MRPL35: variants seen among roughly 807,000 people sequenced by gnomAD.
MRPL35 encodes the protein large ribosomal subunit protein bL35m.
In MRPL35, 18 loss-of-function variants were observed where a neutral mutation model predicts 21.6. The observed-to-expected ratio is 0.83, with a 90% confidence interval of 0.58 to 1.24. MRPL35 has a LOEUF of 1.24. Among genes scored for constraint, MRPL35 ranks in the 50% most tolerant of loss-of-function variants. The pLI is 0.00. For missense variants in MRPL35, 223 were observed against 223.2 expected (o/e 1.00, Z 0.01); for synonymous variants, 87 against 86.9 (o/e 1.00, Z -0.01).
In MRPL35 at chr2:86,211,212, A is replaced by G; in HGVS notation, c.*544A>G. The G allele has an allele frequency of 6.2e-6, 6 of 967,100 alleles. No homozygotes were observed. The highest frequency in any genetic ancestry group is 7.4e-6 in the Non-Finnish European group (6 of 813,324). 59.9% of individuals were successfully genotyped at this position (967,100 alleles called of 1,614,324 possible). A position where few individuals can be genotyped will look rare whatever the true frequency, so the allele number is the denominator to read the frequency against. ...ATTCTCTCTATTCACCAACTTCTCTACACAGCTTTTGCATACTTACAGTTT... is the reference window on the plus strand; with the variant it reads ...ATTCTCTCTATTCACCAACTTCTCTGCACAGCTTTTGCATACTTACAGTTT... On this transcript the variant is annotated 3_prime_UTR_variant, in exon 4 of 4. Coordinates refer to ENST00000337109, the MANE Select transcript of MRPL35 (RefSeq NM_016622.4).
chr2:86,203,681 A>C (rs1370973406), intron 1 of MRPL35, among the ~76,000 whole-genome samples: 1 of 152,150 alleles, frequency 6.6e-6, no homozygotes, highest in African/African-American at 2.4e-5. Flanking sequence ...AGCATTCATT[A>C]AATGTTTTCT....
rs1673900777 is a variant in MRPL35 at position 86,211,453 on chromosome 2, AAC to A, written c.*787_*788del. 2.2e-5 allele frequency: 22 copies of A among 985,476 alleles called. No homozygotes were observed. The highest frequency in any genetic ancestry group is 4.7e-5 in the South Asian group (1 of 21,280). 61.0% of individuals were successfully genotyped at this position (985,476 alleles called of 1,614,324 possible). A position where few individuals can be genotyped will look rare whatever the true frequency, so the allele number is the denominator to read the frequency against. ...TTAGCAGGTTTGCATGCAGCAAAAA[AAC>A]AGTTATGTGAGCAGTTTCACTTGGA... On this transcript the variant is annotated 3_prime_UTR_variant, in exon 4 of 4. Coordinates refer to ENST00000337109, the MANE Select transcript of MRPL35 (RefSeq NM_016622.4).
rs563658035 is a variant in MRPL35 at position 86,213,684 on chromosome 2, C to G, written c.*3016C>G. On this transcript the variant is annotated 3_prime_UTR_variant, in exon 4 of 4. Coordinates refer to ENST00000337109, the MANE Select transcript of MRPL35 (RefSeq NM_016622.4). ...CAGAGAAGAAAAATGATGGACCAAA[C>G]GTCTGTTTGCACAATTGAAACTCTA... 1.9e-6 allele frequency: 3 copies of G among 1,549,234 alleles called. No homozygotes were observed. The highest frequency in any genetic ancestry group is 2.6e-6 in the Non-Finnish European group (3 of 1,145,822).
At chr2:86,206,935 A>G (rs996332581) in intron 2 of MRPL35, among the ~76,000 whole-genome samples, 2 of 152,232 alleles carry the variant, frequency 1.3e-5, no homozygotes, top group African/African-American at 4.8e-5. Flanking sequence ...TGGATAAGAA[A>G]TAAAGCGATG....
chr2:86,208,119 G>T (rs1673837938), intron 3 of MRPL35, among the ~76,000 whole-genome samples: 1 of 152,160 alleles, frequency 6.6e-6, no homozygotes, highest in Non-Finnish European at 1.5e-5. Context: ...TACTAAATTA[G>T]TAGATAAATG....
At chr2:86,203,153 C>A (rs1429454135) in intron 1 of MRPL35, among the ~76,000 whole-genome samples, 1 of 150,176 alleles carries the variant, frequency 6.7e-6, no homozygotes, top group African/African-American at 2.4e-5. Context: ...AATCTCAGCT[C>A]ACTGCAAGCT....
intron 3 of MRPL35, among the ~76,000 whole-genome samples, chr2:86,208,330 A>C (rs1244459757): frequency 6.6e-6 from 1 of 151,102 alleles, no homozygotes; most frequent in Non-Finnish European, 1.5e-5. Context: ...TTTTTGAGAC[A>C]AAGTGTCACT....
chr2:86,207,527 C>T (rs939461040), intron 3 of MRPL35, among the ~76,000 whole-genome samples, 200 bp downstream of exon 3: 6 of 152,086 alleles, frequency 3.9e-5, no homozygotes, highest in African/African-American at 7.2e-5. Context: ...TCCAGCTACT[C>T]GGGAGGCTGA....
At chr2:86,210,408 C>A in intron 3 of MRPL35, 72 bp from the exon 4 acceptor site, 11 of 1,188,448 alleles carry the variant, frequency 9.3e-6, no homozygotes, top group East Asian at 3.7e-5. Flanking sequence ...GGTCTATAAA[C>A]CTTGAGTTGT....
At chr2:86,199,948 G>C (rs1673655013) in intron 1 of MRPL35, among the ~76,000 whole-genome samples, 1 of 152,170 alleles carries the variant, frequency 6.6e-6, no homozygotes, top group Non-Finnish European at 1.5e-5. Context: ...CCTACCTGGG[G>C]ATTAAATGAG....
chr2:86,204,648 G>A (rs189386927), intron 1 of MRPL35, among the ~76,000 whole-genome samples: 6 of 152,104 alleles, frequency 3.9e-5, no homozygotes, highest in East Asian at 1.9e-4. Context: ...GACTGCATCC[G>A]GACCACACAT....
At chr2:86,199,714 G>C (rs1376567848) in intron 1 of MRPL35, among the ~76,000 whole-genome samples, 181 bp downstream of exon 1, 1 of 152,160 alleles carries the variant, frequency 6.6e-6, no homozygotes, top group Non-Finnish European at 1.5e-5. Context: ...CCCCCGACTC[G>C]GACTCACGCG....
At chr2:86,200,144 T>G (rs186073463) in intron 1 of MRPL35, among the ~76,000 whole-genome samples, 35 of 152,280 alleles carry the variant, frequency 2.3e-4, no homozygotes, top group Non-Finnish European at 4.1e-4. Context: ...AAGTTAAAAA[T>G]CATCCAAATA....
At chr2:86,201,083 G>T (rs951763008) in intron 1 of MRPL35, among the ~76,000 whole-genome samples, 1 of 152,176 alleles carries the variant, frequency 6.6e-6, no homozygotes, top group Non-Finnish European at 1.5e-5. Flanking sequence ...GAGGATGTGG[G>T]TATGTGTGAA....
rs186607871 is a variant in MRPL35 at position 86,200,816 on chromosome 2, G to A, written c.43+1283G>A. On this transcript the variant is annotated intron_variant, in intron 1 of 3. Transcript: ENST00000337109. The stretch of plus-strand genomic sequence containing the variant: ...GGAGTAGCTGGGATTACAGGCATGC[G>A]CCACCACGCCCAGCTAATTTTGTAT... 2.0e-3 allele frequency among the ~76,000 whole-genome samples: 305 copies of A among 152,050 alleles called. 1 individual carries two copies. The highest frequency in any genetic ancestry group is 6.9e-3 in the African/African-American group (285 of 41,474).
In MRPL35 at chr2:86,199,478, G is replaced by A. The variant is rs1188869472; in HGVS notation, c.-13G>A. 6.2e-7 allele frequency: 1 copy of A among 1,614,034 alleles called. No homozygotes were observed. Among genetic ancestry groups the A allele is most frequent in the Non-Finnish European group, 8.5e-7 (1 of 1,180,036 alleles). ...TTTTAAACCCAAAGCGGCCGCCGTA[G>A]GCGAAGGTGAAGATGGCTGCCTCTG... On this transcript the variant is annotated 5_prime_UTR_variant, in exon 1 of 4. Transcript: ENST00000337109.
rs1673899968 is a variant in MRPL35 at position 86,211,416 on chromosome 2, G to A, written c.*748G>A. The A allele has an allele frequency of 1.0e-6, 1 of 985,302 alleles. No individual in the cohort carries two copies. The highest frequency in any genetic ancestry group is 1.2e-6 in the Non-Finnish European group (1 of 829,948). 61.0% of individuals were successfully genotyped at this position (985,302 alleles called of 1,614,324 possible). On this transcript the variant is annotated 3_prime_UTR_variant, in exon 4 of 4. Coordinates refer to ENST00000337109, the MANE Select transcript of MRPL35 (RefSeq NM_016622.4). ...GGGATTGGCTGTCCTTAAGTCAGGA[G>A]CCCGCTTTGTATTAGCAGGTTTGCA...
At chr2:86,203,903 ATTTG>A (rs1376564079) in intron 1 of MRPL35, among the ~76,000 whole-genome samples, 1 of 152,020 alleles carries the variant, frequency 6.6e-6, no homozygotes, top group African/African-American at 2.4e-5. Flanking sequence ...ATGGCCCCTC[ATTTG>A]TTATCTGAAA....
intron 1 of MRPL35, among the ~76,000 whole-genome samples, chr2:86,201,960 G>A (rs1316073565): frequency 6.6e-6 from 1 of 152,112 alleles, no homozygotes; most frequent in Non-Finnish European, 1.5e-5. Flanking sequence ...CTGGTTTTGC[G>A]TTACCTCTTT....
Sources: allele counts gnomAD v4.1 joint callset (sites outside exome capture counted in the v4.1 genomes callset), GRCh38; gene constraint gnomAD v4.1.1; transcripts MANE v1.5; gene names NCBI Gene and HGNC (gene_info 2026-07-23, HGNC 2026-07-21).